C12orf42: variants seen among roughly 807,000 people sequenced by gnomAD.
C12orf42 encodes the protein chromosome 12 open reading frame 42.
Under a neutral mutation model 21.6 loss-of-function variants are expected in C12orf42, and 25 were observed. The observed-to-expected ratio is 1.16, with a 90% confidence interval of 0.84 to 1.62. The LOEUF (loss-of-function observed/expected upper bound fraction) is 1.62, where lower values mean the gene tolerates loss of function less well. Among genes scored for constraint, C12orf42 ranks in the 40% most tolerant of loss-of-function variants. C12orf42 has a pLI of 0.00. For missense variants in C12orf42, 483 were observed against 459.3 expected, an observed-to-expected ratio of 1.05 and a Z score of -0.47; for synonymous variants, 174 against 175.0, an observed-to-expected ratio of 0.99 and a Z score of 0.05.
chr12:103,415,026 T>C (rs569974122), intron 2 of C12orf42, among the ~76,000 whole-genome samples: 33 of 152,054 alleles, frequency 2.2e-4, no homozygotes, highest in Non-Finnish European at 4.3e-4. Flanking sequence ...GAGACCTGTC[T>C]TACATGTAAC....
the C12orf42 span, among the ~76,000 whole-genome samples, chr12:103,180,721 T>C: frequency 7.2e-6 from 1 of 138,580 alleles, no homozygotes. Flanking sequence ...CTGCACCTCC[T>C]GGGTTCAAGC....
intron 2 of C12orf42, among the ~76,000 whole-genome samples, chr12:103,471,415 C>T (rs1392812068): frequency 6.6e-6 from 1 of 152,202 alleles, no homozygotes; most frequent in East Asian, 1.9e-4. Context: ...TTTCCAGAAA[C>T]TTCCCATACT....
At chr12:103,101,450 GAAC>G in the C12orf42 span, among the ~76,000 whole-genome samples, 1 of 152,106 alleles carries the variant, frequency 6.6e-6, no homozygotes, top group East Asian at 1.9e-4. Flanking sequence ...GCTGAATAAA[GAAC>G]AATATTTAAC....
the C12orf42 span, among the ~76,000 whole-genome samples, chr12:103,110,609 A>C: frequency 6.6e-6 from 1 of 152,200 alleles, no homozygotes; most frequent in Non-Finnish European, 1.5e-5. Flanking sequence ...GAAATATATT[A>C]TAACTAAAAT....
At chr12:103,411,901 A>G (rs2048879920) in intron 2 of C12orf42, among the ~76,000 whole-genome samples, 1 of 152,204 alleles carries the variant, frequency 6.6e-6, no homozygotes, top group Admixed American at 6.5e-5. Flanking sequence ...AGGCAGAGAG[A>G]AAGAAATTGA....
At chr12:103,344,324 CA>C (rs2042425960) in intron 4 of C12orf42, among the ~76,000 whole-genome samples, 1 of 152,156 alleles carries the variant, frequency 6.6e-6, no homozygotes, top group African/African-American at 2.4e-5. Context: ...ATGTGGATGA[CA>C]GAGGAGGGGT....
chr12:103,212,476 G>C, the C12orf42 span, among the ~76,000 whole-genome samples: 1 of 152,118 alleles, frequency 6.6e-6, no homozygotes, highest in Admixed American at 6.5e-5. Flanking sequence ...TGGTGGTGTT[G>C]AATGTGTTCC....
In C12orf42 at chr12:103,294,411, AAGAGAGAAAGGAGAGAG is replaced by A. The variant is rs1431223307; in HGVS notation, n.338-17218_338-17202del. The stretch of plus-strand genomic sequence containing the variant: ...AGAAAAAGAAAGAAAGAAAGAAAGA[AAGAGAGAAAGGAGAGAG>A]AGAAAGAAAGAAAGAAAGAAAGAAA... On this transcript the variant is annotated intron_variant and non_coding_transcript_variant, in intron 4 of 6. Coordinates refer to the C12orf42 transcript ENST00000546526. 1.1e-4 allele frequency among the ~76,000 whole-genome samples: 15 copies of A among 139,196 alleles called. 1 individual carries two copies. The highest frequency in any genetic ancestry group is 2.3e-4 in the South Asian group (1 of 4,300). The allele number at this position is 139,196 out of a possible 152,430, so 91.3% of individuals were successfully genotyped here.
chr12:103,487,134 C>G (rs531639493), intron 1 of C12orf42, among the ~76,000 whole-genome samples: 1 of 152,226 alleles, frequency 6.6e-6, no homozygotes, highest in African/African-American at 2.4e-5. Context: ...AAATGTGTCC[C>G]AGAGATTCTG....
the C12orf42 span, among the ~76,000 whole-genome samples, chr12:103,066,060 T>A: frequency 1.3e-5 from 2 of 152,152 alleles, no homozygotes; most frequent in Admixed American, 6.5e-5. Context: ...CCTAGGTGAA[T>A]CACAGCGGAG....
intron 2 of C12orf42, among the ~76,000 whole-genome samples, chr12:103,440,457 C>CAAAAAAAAAAAAAAAAAAA: frequency 1.4e-5 from 1 of 69,666 alleles, no homozygotes; most frequent in African/African-American, 6.1e-5. Context: ...TCACAGATAC[C>CAAAAAAAAAAAAAAAAAAA]AAAAAAAAAA....
At chr12:103,317,410 A>T (rs556609394) in intron 4 of C12orf42, among the ~76,000 whole-genome samples, 24 of 152,334 alleles carry the variant, frequency 1.6e-4, no homozygotes, top group African/African-American at 4.6e-4. Flanking sequence ...TCCCCATGAC[A>T]TCATCAGCCT....
chr12:103,169,874 G>A, the C12orf42 span, among the ~76,000 whole-genome samples: 1 of 152,094 alleles, frequency 6.6e-6, no homozygotes, highest in Non-Finnish European at 1.5e-5. Flanking sequence ...GGTTCATGCT[G>A]AGAGGAATAG....
intron 2 of C12orf42, among the ~76,000 whole-genome samples, chr12:103,444,167 C>G (rs963419387): frequency 3.9e-5 from 6 of 151,906 alleles, no homozygotes; most frequent in Admixed American, 1.3e-4. Context: ...TTAATGCCAA[C>G]TTTGTTATTA....
chr12:103,120,627 C>T, the C12orf42 span, among the ~76,000 whole-genome samples: 2 of 151,614 alleles, frequency 1.3e-5, no homozygotes, highest in Admixed American at 1.3e-4. Context: ...TATAAAAATA[C>T]CAACATCATG....
At chr12:103,507,187 ATAT>A in the C12orf42 span, among the ~76,000 whole-genome samples, 1 of 21,270 alleles carries the variant, frequency 4.7e-5, no homozygotes, top group Non-Finnish European at 5.9e-5. Flanking sequence ...ATTATATATA[ATAT>A]ATATATATTT....
At chr12:103,120,553 G>A in the C12orf42 span, among the ~76,000 whole-genome samples, 1 of 152,034 alleles carries the variant, frequency 6.6e-6, no homozygotes, top group South Asian at 2.1e-4. Flanking sequence ...TATGTCAATT[G>A]CTTGACTTAA....
At chr12:103,152,478 A>T in the C12orf42 span, among the ~76,000 whole-genome samples, 1 of 152,196 alleles carries the variant, frequency 6.6e-6, no homozygotes, top group Non-Finnish European at 1.5e-5. Flanking sequence ...ATCCTAGCAA[A>T]TGCAACAAAA....
the C12orf42 span, among the ~76,000 whole-genome samples, chr12:103,058,204 C>T: frequency 6.6e-6 from 1 of 152,250 alleles, no homozygotes; most frequent in Admixed American, 6.5e-5. Flanking sequence ...ATCCACCCGC[C>T]TTGGCCTCCT....
Sources: gnomAD v4.1 joint callset for allele counts (sites outside exome capture counted in the v4.1 genomes callset) on GRCh38, gnomAD v4.1.1 for gene constraint, MANE v1.5 for transcripts, NCBI Gene and HGNC (gene_info 2026-07-23, HGNC 2026-07-21) for gene names.